Variants in FNDC3A observed in about 807,000 individuals in gnomAD.
FNDC3A encodes the protein fibronectin type-III domain-containing protein 3A.
FNDC3A carries 32 observed loss-of-function variants against 148.9 expected under a neutral mutation model. The ratio of observed to expected loss-of-function variants is 0.21; its 90% confidence interval spans 0.16 to 0.29. The LOEUF is 0.29. Ranked by LOEUF, FNDC3A falls within the 10% of genes least tolerant of loss-of-function variation. The pLI, the probability that FNDC3A is intolerant of heterozygous loss-of-function variation, is 1.00. For missense variants in FNDC3A, 1,191 were observed against 1,452.8 expected, an observed-to-expected ratio of 0.82 and a Z score of 2.93; for synonymous variants, 472 against 473.6, an observed-to-expected ratio of 1.00 and a Z score of 0.04.
chr13:48,990,248 C>T (rs1220142890), intron 1 of FNDC3A, among the ~76,000 whole-genome samples: 1 of 151,732 alleles, frequency 6.6e-6, no homozygotes, highest in African/African-American at 2.4e-5. Context: ...TTCAAATATA[C>T]AAAAGCTGAA....
chr13:49,204,279 C>G (rs1482232626), intron 25 of FNDC3A, among the ~76,000 whole-genome samples: 1 of 152,104 alleles, frequency 6.6e-6, no homozygotes, highest in African/African-American at 2.4e-5. Flanking sequence ...GCTTTTATAC[C>G]ACTCCAAAGA....
At chr13:49,079,099 ATTACC>A (rs548181081) in intron 3 of FNDC3A, among the ~76,000 whole-genome samples, 214 of 152,342 alleles carry the variant, frequency 1.4e-3, no homozygotes, top group African/African-American at 4.9e-3. Context: ...CATCTAAATA[ATTACC>A]TTACTTTATT....
At chr13:48,978,717 C>T (rs369304723) in intron 1 of FNDC3A, among the ~76,000 whole-genome samples, 2 of 152,066 alleles carry the variant, frequency 1.3e-5, no homozygotes, top group African/African-American at 4.8e-5. Flanking sequence ...AATAAACTCA[C>T]AATATTGTAA....
intron 4 of FNDC3A, among the ~76,000 whole-genome samples, chr13:49,119,120 G>C (rs962884147): frequency 2.0e-5 from 3 of 152,166 alleles, no homozygotes; most frequent in African/African-American, 7.2e-5. Context: ...GCTGGCATCT[G>C]GTGGGTGCCC....
chr13:49,157,820 A>G (rs1441829648), intron 8 of FNDC3A, among the ~76,000 whole-genome samples: 2 of 132,288 alleles, frequency 1.5e-5, no homozygotes, highest in Non-Finnish European at 1.6e-5. Flanking sequence ...GGTGCCTCCC[A>G]GTTAGGCTGC....
At chr13:49,198,872 G>A (rs541448251) in intron 23 of FNDC3A, among the ~76,000 whole-genome samples, 114 of 152,270 alleles carry the variant, frequency 7.5e-4, no homozygotes, top group Middle Eastern at 6.8e-3. Flanking sequence ...TACATTTCCT[G>A]TTTATAATTT....
intron 23 of FNDC3A, chr13:49,201,142 A>C (rs1279763943): frequency 6.8e-6 from 2 of 294,902 alleles, no homozygotes; most frequent in African/African-American, 4.5e-5. Context: ...GAAACATCCA[A>C]TCAAAAATAA....
At chr13:49,054,436 C>G (rs1046847972) in intron 2 of FNDC3A, among the ~76,000 whole-genome samples, 3 of 152,162 alleles carry the variant, frequency 2.0e-5, no homozygotes, top group African/African-American at 7.2e-5. Flanking sequence ...ACACATTGCA[C>G]AGAGGATAGT....
chr13:49,161,003 G>A (rs202194011), intron 8 of FNDC3A, among the ~76,000 whole-genome samples: 1 of 152,154 alleles, frequency 6.6e-6, no homozygotes, highest in African/African-American at 2.4e-5. Context: ...TATAATTTCT[G>A]TTCTTTTACA....
At chr13:49,076,635 G>T (rs1878132750) in intron 3 of FNDC3A, among the ~76,000 whole-genome samples, 1 of 151,866 alleles carries the variant, frequency 6.6e-6, no homozygotes, top group African/African-American at 2.4e-5. Context: ...CTGATACACG[G>T]GTAATGTACT....
Position 49,178,634 on chromosome 13 carries a change from A to G in FNDC3A, c.1597A>G (p.Ser533Gly). ...LAYTVKNLRR[S>G]TKYKFKVIAY... ...TTACACAGTGAAAAATCTCAGACGT[A>G]GTACTAAGTATAAATTTAAGGTAAG... The change falls in exon 14 of 26, where the codon AGT (serine) becomes GGT (glycine). Residue 533 changes from serine (S) to glycine (G), a missense_variant. Coordinates refer to ENST00000492622, the MANE Select transcript of FNDC3A (RefSeq NM_001079673.2). The G allele has an allele frequency of 6.4e-7, 1 of 1,564,428 alleles. No homozygotes were observed. The highest frequency in any genetic ancestry group is 1.2e-5 in the South Asian group (1 of 84,820).
chr13:49,045,793 T>A, intron 2 of FNDC3A: 1 of 233,382 alleles, frequency 4.3e-6, no homozygotes, highest in Non-Finnish European at 8.5e-6. Flanking sequence ...GACAGTCCTT[T>A]TTTTTTTTTT....
At chr13:49,095,576 G>A (rs1566246412) in intron 3 of FNDC3A, 1 of 152,032 alleles carries the variant, frequency 6.6e-6, no homozygotes, top group Non-Finnish European at 1.5e-5. Context: ...ATGAAAGAAT[G>A]TCTAGAAAGG....
At chr13:49,108,725 G>A (rs1164915259) in intron 3 of FNDC3A, among the ~76,000 whole-genome samples, 1 of 152,204 alleles carries the variant, frequency 6.6e-6, no homozygotes, top group African/African-American at 2.4e-5. Flanking sequence ...CTGAAGATCA[G>A]AGACATGGTC....
At chr13:49,175,306 A>T in intron 12 of FNDC3A, 61 bp from the exon 13 acceptor site, 2 of 1,226,322 alleles carry the variant, frequency 1.6e-6, no homozygotes, top group Non-Finnish European at 2.2e-6. Context: ...TCTGTCACAA[A>T]CTTGTTCTTT....
intron 3 of FNDC3A, among the ~76,000 whole-genome samples, chr13:49,107,773 T>C (rs758552676): frequency 1.3e-5 from 2 of 152,114 alleles, no homozygotes; most frequent in African/African-American, 4.8e-5. Flanking sequence ...GTGTAAGGGA[T>C]TGACCAGGGA....
chr13:49,200,670 C>G (rs140544921), intron 23 of FNDC3A, among the ~76,000 whole-genome samples: 99 of 152,106 alleles, frequency 6.5e-4, no homozygotes, highest in African/African-American at 2.0e-3. Context: ...ACTTAATATT[C>G]AGCTAGCATC....
rs559832376 is a variant in FNDC3A, at chr13:49,110,213, T to C, written c.176-4442T>C. ...GCAAGCGGGAACGTTTGCTTTTTTTTCCCCCTTGCCCTTTCCTGGGTCACT... is the reference window on the plus strand; with the variant it reads ...GCAAGCGGGAACGTTTGCTTTTTTTCCCCCCTTGCCCTTTCCTGGGTCACT... On this transcript the variant is annotated intron_variant, in intron 3 of 25. Transcript: ENST00000492622. 3.1e-4 allele frequency: 181 copies of C among 584,286 alleles called. 1 individual carries two copies. Among genetic ancestry groups the C allele is most frequent in the African/African-American group, 1.2e-3 (59 of 51,096 alleles). 36.2% of individuals were successfully genotyped at this position (584,286 alleles called of 1,614,324 possible).
rs555788664 is a variant in FNDC3A at position 49,136,410 on chromosome 13, T to G, written c.569T>G (p.Leu190Trp). ...SKTYERLQKKLKDRQGTQKDK... is the reference protein window; with the variant it reads ...SKTYERLQKKWKDRQGTQKDK... ...ACATATGAACGTTTGCAGAAAAAAT[T>G]GAAGGATCGCCAAGGAACACAGAAA... is the stretch of plus-strand genomic sequence containing the variant. Residue 190 changes from leucine to tryptophan, a missense_variant, in exon 6 of 26, where the codon TTG (leucine) becomes TGG (tryptophan). Physicochemically the swap from Leu to Trp is moderately conservative, Grantham distance 61. Transcript: ENST00000492622. 5.6e-6 allele frequency: 9 copies of G among 1,614,050 alleles called. No individual in the cohort carries two copies. The Admixed American group carries it at 1.2e-4, about 21-fold the overall frequency.
Sources: allele counts gnomAD v4.1 joint callset (sites outside exome capture counted in the v4.1 genomes callset), GRCh38; gene constraint gnomAD v4.1.1; transcripts MANE v1.5; gene names NCBI Gene and HGNC (gene_info 2026-07-23, HGNC 2026-07-21).